MYO10: variants seen among roughly 807,000 people sequenced by gnomAD.
MYO10 encodes the protein myosin X, also known as unconventional myosin-X.
MYO10 carries 133 observed loss-of-function variants against 257.3 expected under a neutral mutation model. That is an observed-to-expected ratio of 0.52 (90% CI 0.45 to 0.60). The LOEUF is 0.60. Among genes scored for constraint, MYO10 ranks in the 20% least tolerant of loss-of-function variants. The probability of loss-of-function intolerance (pLI) is 0.00; values close to 1 mark genes in which losing one functional copy is unlikely to be tolerated. For synonymous variants in MYO10, 1,104 were observed against 1,028.6 expected, an observed-to-expected ratio of 1.07 and a Z score of -1.40; for missense variants, 2,399 against 2,635.7, an observed-to-expected ratio of 0.91 and a Z score of 1.97.
chr5:16,771,600 A>G (rs1052978348), intron 9 of MYO10, among the ~76,000 whole-genome samples: 2 of 146,452 alleles, frequency 1.4e-5, no homozygotes, highest in Non-Finnish European at 3.0e-5. Flanking sequence ...TTATTTTGAT[A>G]CAGGGTCTCA....
intron 19 of MYO10, among the ~76,000 whole-genome samples, chr5:16,727,869 C>A (rs1231039398): frequency 7.1e-6 from 1 of 140,638 alleles, no homozygotes; most frequent in East Asian, 2.0e-4. Flanking sequence ...ATCCTTCCCC[C>A]CAGCCCAAAA....
At chr5:16,782,713 C>T (rs949631604) in intron 5 of MYO10, among the ~76,000 whole-genome samples, 1 of 152,180 alleles carries the variant, frequency 6.6e-6, no homozygotes, top group Non-Finnish European at 1.5e-5. Flanking sequence ...AAGTCCCTAC[C>T]GGTTCTAAAG....
In MYO10 at chr5:16,891,024, T is replaced by C. The variant is rs762189940; in HGVS notation, c.22-13317A>G. Among the ~76,000 whole-genome samples the C allele has an allele frequency of 1.7e-4, 26 of 151,764 alleles. 1 individual carries two copies. Among genetic ancestry groups the C allele is most frequent in the Non-Finnish European group, 2.5e-4 (17 of 68,024 alleles). ...TTGGTCAGGCACGGTGGCTCACATCTGTAATCCCAGTACTTTGGGAGGCCG... is the reference window on the plus strand; with the variant it reads ...TTGGTCAGGCACGGTGGCTCACATCCGTAATCCCAGTACTTTGGGAGGCCG... On this transcript the variant is annotated intron_variant, in intron 1 of 40. Coordinates refer to ENST00000513610, the MANE Select transcript of MYO10 (RefSeq NM_012334.3).
intron 19 of MYO10, among the ~76,000 whole-genome samples, chr5:16,734,098 A>G (rs1278749834): frequency 6.9e-6 from 1 of 144,994 alleles, no homozygotes; most frequent in Non-Finnish European, 1.5e-5. Context: ...TGTTAAAAAT[A>G]AAAGGGATGC....
At chr5:16,934,798 CCAA>C (rs1173315690) in intron 1 of MYO10, among the ~76,000 whole-genome samples, 1 of 152,170 alleles carries the variant, frequency 6.6e-6, no homozygotes, top group Non-Finnish European at 1.5e-5. Context: ...AATATTATAT[CCAA>C]TTAAATCAGA....
intron 25 of MYO10, among the ~76,000 whole-genome samples, chr5:16,699,802 AAAAAAG>A (rs1737955506): frequency 6.8e-6 from 1 of 147,538 alleles, no homozygotes; most frequent in South Asian, 2.1e-4. Context: ...AAAAAAAAAA[AAAAAAG>A]GGAAAAGGAA....
At chr5:16,934,152 T>C (rs1290335156) in intron 1 of MYO10, among the ~76,000 whole-genome samples, 2 of 152,174 alleles carry the variant, frequency 1.3e-5, no homozygotes, top group African/African-American at 2.4e-5. Flanking sequence ...AAAGAGTACT[T>C]TGAAAAGTCA....
intron 2 of MYO10, among the ~76,000 whole-genome samples, chr5:16,851,774 C>T (rs191664019): frequency 2.0e-5 from 3 of 152,090 alleles, no homozygotes; most frequent in East Asian, 3.9e-4. Context: ...ACTTAATGGC[C>T]GGGCGTGGTG....
intron 11 of MYO10, 147 bp downstream of exon 11, chr5:16,765,930 CTTT>C (rs1560973203): frequency 8.0e-6 from 5 of 627,572 alleles, no homozygotes; most frequent in African/African-American, 1.8e-5. Context: ...TTGGTATCTT[CTTT>C]ATTTTTATCA....
chr5:16,924,980 A>G (rs2625179), intron 1 of MYO10, among the ~76,000 whole-genome samples: 70,954 of 151,364 alleles, frequency 0.47, 16,961 homozygotes, highest in African/African-American at 0.53. Context: ...ACAGGTGCCC[A>G]CCACCACACC....
At chr5:16,759,424 T>C (rs1311276824) in intron 17 of MYO10, among the ~76,000 whole-genome samples, 1 of 152,180 alleles carries the variant, frequency 6.6e-6, no homozygotes, top group African/African-American at 2.4e-5. Context: ...CGGGTGCTCT[T>C]TAATGCTCAC....
intron 6 of MYO10, 70 bp from the exon 7 acceptor site, chr5:16,780,811 A>G: frequency 1.4e-6 from 2 of 1,437,148 alleles, no homozygotes; most frequent in Non-Finnish European, 1.9e-6. Context: ...CTAGTCTTTC[A>G]TTTTCTATTC....
At chr5:16,719,269 C>A (rs1187862017) in intron 19 of MYO10, among the ~76,000 whole-genome samples, 1 of 152,104 alleles carries the variant, frequency 6.6e-6, no homozygotes, top group African/African-American at 2.4e-5. Context: ...ACACTCACCG[C>A]GAGGGTCCGC....
At chr5:16,909,071 T>C (rs1745588046) in intron 1 of MYO10, among the ~76,000 whole-genome samples, 1 of 152,104 alleles carries the variant, frequency 6.6e-6, no homozygotes, top group Admixed American at 6.6e-5. Flanking sequence ...GGGTAATTTA[T>C]AAAGAAAAAG....
In MYO10 at chr5:16,747,918, C is replaced by CAA. The variant is rs777257950; in HGVS notation, c.1929+6908_1929+6909dup. Among the ~76,000 whole-genome samples the CAA allele has an allele frequency of 5.1e-3, 156 of 30,484 alleles. 19 individuals are homozygous for CAA. The highest frequency in any genetic ancestry group is 0.026 in the Non-Finnish European group (109 of 4,120). 20.0% of individuals were successfully genotyped at this position (30,484 alleles called of 152,430 possible). A position where few individuals can be genotyped will look rare whatever the true frequency, so the allele number is the denominator to read the frequency against. ...TGGGCGACAGAGCGAAACTCCGTCTCAAAAAAAAAAAAAAAAAAAAAAAAA... is the reference window on the plus strand; with the variant it reads ...TGGGCGACAGAGCGAAACTCCGTCTCAAAAAAAAAAAAAAAAAAAAAAAAAAA... On this transcript the variant is annotated intron_variant, in intron 19 of 40. Coordinates refer to ENST00000513610, the MANE Select transcript of MYO10 (RefSeq NM_012334.3).
At chr5:16,913,431 TG>T (rs1352017349) in intron 1 of MYO10, among the ~76,000 whole-genome samples, 2 of 152,242 alleles carry the variant, frequency 1.3e-5, no homozygotes, top group Admixed American at 1.3e-4. Flanking sequence ...TATACGTGTA[TG>T]GCTGTCTAAA....
intron 19 of MYO10, among the ~76,000 whole-genome samples, chr5:16,725,535 A>C (rs1163577279): frequency 1.3e-5 from 2 of 152,218 alleles, no homozygotes; most frequent in African/African-American, 2.4e-5. Flanking sequence ...GAATTAAATC[A>C]GTCCATGATG....
At position 16,701,423 on chromosome 5, in the gene MYO10, T is replaced by A; in HGVS notation, c.2972A>T (p.Glu991Val). 6.8e-6 allele frequency: 11 copies of A among 1,613,998 alleles called. No individual in the cohort carries two copies. Among genetic ancestry groups the A allele is most frequent in the Non-Finnish European group, 9.3e-6 (11 of 1,179,882 alleles). ...GGCTTCGAAGCCCTCATCGACCTCC[T>A]CCTCTGGGTAGGGCTGGCTGAAGTT... ...NFNFSQPYPE[E>V]EVDEGFEADD... Residue 991 changes from glutamate (E) to valine (V), a missense_variant, in exon 25 of 41, where the codon GAG becomes GTG. Coordinates refer to ENST00000513610, the MANE Select transcript of MYO10 (RefSeq NM_012334.3). This position sits in a 1 kb window ranked among gnomAD's most constrained non-coding sequence, Gnocchi z 8.1.
rs758603126 is a variant in MYO10 at position 16,694,512 on chromosome 5, T to A, written c.3659A>T (p.His1220Leu). ...KQEALKQGWL[H>L]KKGGGSSTLS... ...CGTGGAGGAGCCCCCCCCTTTTTTG[T>A]GGAGCCAGCCTTGCTTGAGGGCCTC... Residue 1220 changes from histidine to leucine, a missense_variant, in exon 27 of 41, where the codon CAC becomes CTC. Coordinates refer to ENST00000513610, the MANE Select transcript of MYO10 (RefSeq NM_012334.3). 7 of 1,614,018 alleles carry A rather than the reference T, an allele frequency of 4.3e-6. No homozygotes were observed. Among genetic ancestry groups the A allele is most frequent in the Middle Eastern group, 1.6e-4 (1 of 6,062 alleles).
Sources: gnomAD v4.1 joint callset for allele counts (sites outside exome capture counted in the v4.1 genomes callset) on GRCh38, gnomAD v4.1.1 for gene constraint, Gnocchi (gnomAD v3.1) non-coding constraint, MANE v1.5 for transcripts, NCBI Gene and HGNC (gene_info 2026-07-23, HGNC 2026-07-21) for gene names.